KCNJ15: variants seen among roughly 807,000 people sequenced by gnomAD.
KCNJ15 encodes ATP-sensitive inward rectifier potassium channel 15.
KCNJ15 carries 14 observed loss-of-function variants against 23.0 expected under a neutral mutation model. The ratio of observed to expected loss-of-function variants is 0.61; its 90% CI spans 0.40 to 0.95. The LOEUF is 0.95. KCNJ15 is among the 40% of genes least tolerant of loss of function. The pLI is 0.00. For missense variants in KCNJ15, 388 were observed against 461.8 expected (o/e 0.84, Z 1.46); for synonymous variants, 185 against 183.2 (o/e 1.01, Z -0.08).
chr21:38,232,286 A>T (rs1012730569), intron 1 of KCNJ15, among the ~76,000 whole-genome samples: 14 of 151,900 alleles, frequency 9.2e-5, no homozygotes, highest in African/African-American at 3.4e-4. Context: ...TAAGGTTAGT[A>T]ATAATATTCC....
chr21:38,256,032 C>T (rs1980197830), upstream of KCNJ15, among the ~76,000 whole-genome samples: 3 of 152,122 alleles, frequency 2.0e-5, no homozygotes, highest in African/African-American at 7.2e-5. Flanking sequence ...AAAACCCATT[C>T]CATCTCTTAG....
At chr21:38,290,312 A>G (rs1984462097) in intron 1 of KCNJ15, among the ~76,000 whole-genome samples, 1 of 151,914 alleles carries the variant, frequency 6.6e-6, no homozygotes, top group Non-Finnish European at 1.5e-5. Context: ...CGCATCGAGG[A>G]GTAAAGGGAA....
rs201245942 is a variant in KCNJ15 at position 38,246,987 on chromosome 21, AGGAT to A, written c.-398-10041_-398-10038del. On this transcript the variant is annotated intron_variant, in intron 1 of 4. Coordinates refer to the KCNJ15 transcript ENST00000547341. ...GTCATTTAATAAAACTAAAAAATGAAGGATGGATGGATGGATGGATGCATAGGTA... is the reference window on the plus strand; with the variant it reads ...GTCATTTAATAAAACTAAAAAATGAAGGATGGATGGATGGATGCATAGGTA... 2.6e-5 allele frequency among the ~76,000 whole-genome samples: 4 copies of A among 152,152 alleles called. No homozygotes were observed. In the East Asian group the frequency reaches 7.7e-4, roughly 29 times the overall value.
At chr21:38,286,353 C>T (rs1388863595) in intron 1 of KCNJ15, among the ~76,000 whole-genome samples, 2 of 152,202 alleles carry the variant, frequency 1.3e-5, no homozygotes, top group African/African-American at 2.4e-5. Context: ...TGTATCTGAG[C>T]TGTTTTCTGT....
At chr21:38,244,309 A>G (rs1341958145) in intron 1 of KCNJ15, among the ~76,000 whole-genome samples, 1 of 152,158 alleles carries the variant, frequency 6.6e-6, no homozygotes, top group African/African-American at 2.4e-5. Flanking sequence ...TCTCTCTCCC[A>G]GGTCTGTATA....
At chr21:38,294,281 A>G (rs1161558159) in intron 1 of KCNJ15, among the ~76,000 whole-genome samples, 1 of 152,228 alleles carries the variant, frequency 6.6e-6, no homozygotes, top group Non-Finnish European at 1.5e-5. Context: ...TTTCTTACAA[A>G]CAGGAAGCTA....
In KCNJ15 at chr21:38,301,578, G is replaced by A. The variant is rs1985781575; in HGVS notation, c.*1189G>A. 1 of 167,022 alleles carries A rather than the reference G, an allele frequency of 6.0e-6. No homozygotes were observed. The highest frequency in any genetic ancestry group is 2.1e-4 in the South Asian group (1 of 4,826). The allele number at this position is 167,022 out of a possible 1,614,324, so 10.3% of individuals were successfully genotyped here. A position where few individuals can be genotyped will look rare whatever the true frequency, so the allele number is the denominator to read the frequency against. On this transcript the variant is annotated 3_prime_UTR_variant, in exon 3 of 3. Transcript: ENST00000398938. ...AATACAGGAAATGTTCTCAGATGCT[G>A]ATGTTTGTAAGGTCCGGTGGGGCCA...
upstream of KCNJ15, among the ~76,000 whole-genome samples, chr21:38,254,543 A>T (rs1383876748): frequency 2.0e-5 from 3 of 152,242 alleles, no homozygotes; most frequent in Non-Finnish European, 2.9e-5. Context: ...CAGAGTATTA[A>T]ACTGTGGTTA....
chr21:38,240,716 T>A (rs1978939883), intron 1 of KCNJ15, among the ~76,000 whole-genome samples: 1 of 152,248 alleles, frequency 6.6e-6, no homozygotes, highest in South Asian at 2.1e-4. Context: ...AAATAACACT[T>A]GACCAAACAT....
At chr21:38,247,051 TG>T (rs1979423390) in intron 1 of KCNJ15, among the ~76,000 whole-genome samples, 2 of 151,186 alleles carry the variant, frequency 1.3e-5, no homozygotes, top group Admixed American at 6.6e-5. Context: ...GATGGATGGA[TG>T]GGTGAATGGA....
rs955823330 is a variant in KCNJ15, at chr21:38,304,852, T to C, written c.*4463T>C. On this transcript the variant is annotated 3_prime_UTR_variant, in exon 3 of 3. Transcript: ENST00000398938. Reference sequence around the variant, plus strand: ...CACCATGCCCGGCTAATTTTGTTTTTGTGTTTTTAGTAGAGACGGGGTTTC... The same window carrying C: ...CACCATGCCCGGCTAATTTTGTTTTCGTGTTTTTAGTAGAGACGGGGTTTC... 6.7e-6 allele frequency: 1 copy of C among 150,090 alleles called. No homozygotes were observed. Among genetic ancestry groups the C allele is most frequent in the Non-Finnish European group, 1.5e-5 (1 of 67,586 alleles). The allele number at this position is 150,090 out of a possible 1,614,324, so 9.3% of individuals were successfully genotyped here.
Position 38,300,702 on chromosome 21 carries a change from C to G in KCNJ15, c.*313C>G, listed in dbSNP as rs9963. On this transcript the variant is annotated 3_prime_UTR_variant, in exon 3 of 3. Coordinates refer to ENST00000398938, the MANE Select transcript of KCNJ15 (RefSeq NM_170736.3). ...GTTAGATAAACAGACATTTAGCAAT[C>G]CTGACATTAAAAGGAAATGTATTTC... 0.79 allele frequency: 207,236 copies of G among 261,834 alleles called. 82,414 individuals carry two copies. The highest frequency in any genetic ancestry group is 0.87 in the African/African-American group (38,934 of 44,690). The allele number at this position is 261,834 out of a possible 1,614,324, so 16.2% of individuals were successfully genotyped here. A position where few individuals can be genotyped will look rare whatever the true frequency, so the allele number is the denominator to read the frequency against.
chr21:38,299,723 C>T lies in KCNJ15; in HGVS notation c.462C>T (p.Thr154=). The T allele has an allele frequency of 6.2e-7, 1 of 1,614,158 alleles. No homozygotes were observed. Among genetic ancestry groups the T allele is most frequent in the Non-Finnish European group, 8.5e-7 (1 of 1,180,032 alleles). ...TGGTTGCTCAGTTGGTCATCACGAC[C>T]TTGATTGAGATCTTCATCACCGGAA... ...FLLVAQLVIT[T]LIEIFITGTF... Residue 154 remains threonine (T), a synonymous_variant, in exon 3 of 3, where the codon ACC becomes ACT. Coordinates refer to ENST00000398938, the MANE Select transcript of KCNJ15 (RefSeq NM_170736.3). The surrounding 1 kb of genome is among the most constrained non-coding windows in gnomAD (Gnocchi z 4.5).
chr21:38,277,027 T>TGTG (rs1555884048), intron 1 of KCNJ15, among the ~76,000 whole-genome samples: 1 of 149,948 alleles, frequency 6.7e-6, no homozygotes, highest in East Asian at 2.0e-4. Context: ...GATTAAAAAA[T>TGTG]TGTGTGTGTG....
intron 1 of KCNJ15, among the ~76,000 whole-genome samples, chr21:38,284,440 G>T (rs1983674362): frequency 6.6e-6 from 1 of 152,004 alleles, no homozygotes; most frequent in Non-Finnish European, 1.5e-5. Flanking sequence ...ACTCTGTCTG[G>T]GACCTGTCAC....
intron 1 of KCNJ15, among the ~76,000 whole-genome samples, chr21:38,244,656 A>T (rs1488415286): frequency 1.3e-5 from 2 of 152,012 alleles, no homozygotes; most frequent in Non-Finnish European, 2.9e-5. Flanking sequence ...GCAAGTCCTA[A>T]CCATGCCAAA....
intron 1 of KCNJ15, chr21:38,238,630 G>T: frequency 1.7e-6 from 1 of 590,504 alleles, no homozygotes; most frequent in Non-Finnish European, 3.2e-6. Context: ...CAACCAGAGC[G>T]GGTTGTGGGC....
At chr21:38,265,323 G>A (rs917626789) in intron 1 of KCNJ15, among the ~76,000 whole-genome samples, 1 of 152,240 alleles carries the variant, frequency 6.6e-6, no homozygotes, top group Non-Finnish European at 1.5e-5. Context: ...GCCTATGCCA[G>A]TATATGGCAT....
intron 1 of KCNJ15, among the ~76,000 whole-genome samples, chr21:38,247,446 A>G (rs1979503200): frequency 1.3e-5 from 2 of 151,712 alleles, no homozygotes; most frequent in Admixed American, 1.3e-4. Flanking sequence ...GCATAGGTGG[A>G]TGGATGTATG....
Sources: allele counts gnomAD v4.1 joint callset (sites outside exome capture counted in the v4.1 genomes callset), GRCh38; gene constraint gnomAD v4.1.1; non-coding constraint Gnocchi (gnomAD v3.1); transcripts MANE v1.5; gene names NCBI Gene and HGNC (gene_info 2026-07-23, HGNC 2026-07-21).